Variants in EDC4 observed in about 807,000 individuals in gnomAD.
EDC4 encodes the protein enhancer of mRNA-decapping protein 4.
Under a neutral mutation model 155.8 loss-of-function variants are expected in EDC4, and 64 were observed. The observed-to-expected ratio is 0.41, with a 90% CI of 0.34 to 0.51. EDC4 has a LOEUF of 0.51. Ranked by LOEUF, EDC4 falls within the 20% of genes least tolerant of loss-of-function variation. EDC4 has a pLI of 0.19. For synonymous variants in EDC4, 684 were observed against 716.8 expected (o/e 0.95, Z 0.73); for missense variants, 1,303 against 1,812.5 (o/e 0.72, Z 5.10).
Position 67,882,469 on chromosome 16 carries a change from T to G in EDC4, c.3317T>G (p.Leu1106Ter). The G allele has an allele frequency of 6.2e-7, 1 of 1,614,120 alleles. No homozygotes were observed. Among genetic ancestry groups the G allele is most frequent in the Non-Finnish European group, 8.5e-7 (1 of 1,180,006 alleles). Reference sequence around the variant, plus strand: ...ATCGCCCGAGCAGCTGCAGACACATTACAAGGGCCGATGCAGGCTGCCTAC... The same window carrying G: ...ATCGCCCGAGCAGCTGCAGACACATGACAAGGGCCGATGCAGGCTGCCTAC... ...DAIARAAADT[L>*]QGPMQAAYRE... is the part of the protein sequence containing the mutation. The change falls in exon 25 of 29, where the codon TTA becomes TGA. Residue 1106 changes from leucine (L) to a stop codon, truncating the protein, a stop_gained. Transcript: ENST00000358933. LOFTEE classifies it high-confidence loss of function. The surrounding 1 kb of genome is among the most constrained non-coding windows in gnomAD (Gnocchi z 7.2).
Position 67,876,765 on chromosome 16 carries a change from A to G in EDC4, c.352-108A>G. ...TGTGGGAGTCTGGCTCCAGGAGGTA[A>G]CAGTGGGTAGCTGGACTTGCATCTG... On this transcript the variant is annotated intron_variant, in intron 3 of 28. Transcript: ENST00000358933. The surrounding 1 kb of genome is among the most constrained non-coding windows in gnomAD (Gnocchi z 5.8). 1 of 1,565,708 alleles carries G rather than the reference A, an allele frequency of 6.4e-7. No individual in the cohort carries two copies. Among genetic ancestry groups the G allele is most frequent in the Non-Finnish European group, 8.7e-7 (1 of 1,155,164 alleles).
intron 1 of EDC4, 185 bp from the exon 2 acceptor site, chr16:67,875,760 C>T: frequency 7.1e-7 from 1 of 1,406,026 alleles, no homozygotes; most frequent in Admixed American, 3.0e-5. Context: ...CATGCTCATC[C>T]TTGGTCCTGC....
chr16:67,877,164 C>T lies in EDC4; in HGVS notation c.452-53C>T. 6.4e-7 allele frequency: 1 copy of T among 1,567,850 alleles called. No individual in the cohort carries two copies. Among genetic ancestry groups the T allele is most frequent in the Non-Finnish European group, 8.7e-7 (1 of 1,155,040 alleles). On this transcript the variant is annotated intron_variant, in intron 4 of 28. Coordinates refer to ENST00000358933, the MANE Select transcript of EDC4 (RefSeq NM_014329.5). This position sits in a 1 kb window ranked among gnomAD's most constrained non-coding sequence, Gnocchi z 4.9. The stretch of plus-strand genomic sequence containing the variant: ...AGACAGGTGGGGCAGCGCTTCTCTG[C>T]TACTGCCTGAGCCTGGATACGTATT...
Position 67,879,295 on chromosome 16 carries a change from T to G in EDC4, c.1527T>G (p.Phe509Leu). The G allele has an allele frequency of 1.9e-6, 3 of 1,614,178 alleles. No homozygotes were observed. Among genetic ancestry groups the G allele is most frequent in the Non-Finnish European group, 1.7e-6 (2 of 1,180,018 alleles). ...ESAAGVLIKL[F>L]CVHTKALQDV... ...CGGCCGGTGTGCTCATCAAGCTCTT[T>G]TGTGTGCATACTAAGTGAGTGAGTG... Residue 509 changes from phenylalanine (F) to leucine (L), a missense_variant, in exon 13 of 29, where the codon TTT becomes TTG. Phe to Leu is a conservative substitution (Grantham distance 22, BLOSUM62 0). Transcript: ENST00000358933. The surrounding 1 kb of genome is among the most constrained non-coding windows in gnomAD (Gnocchi z 6.0).
chr16:67,882,634 C>T lies in EDC4; in HGVS notation c.3442+40C>T. On this transcript the variant is annotated intron_variant, in intron 25 of 28. Coordinates refer to ENST00000358933, the MANE Select transcript of EDC4 (RefSeq NM_014329.5). The surrounding 1 kb of genome is among the most constrained non-coding windows in gnomAD (Gnocchi z 7.2). ...ATGGCCCAAGGTGGGAGGGGTTATCCTCTTTCCTACTGTTCCTCTTATAGT... is the reference window on the plus strand; with the variant it reads ...ATGGCCCAAGGTGGGAGGGGTTATCTTCTTTCCTACTGTTCCTCTTATAGT... 1 of 1,614,222 alleles carries T rather than the reference C, an allele frequency of 6.2e-7. No homozygotes were observed. Among genetic ancestry groups the T allele is most frequent in the Non-Finnish European group, 8.5e-7 (1 of 1,180,050 alleles).
chr16:67,877,926 G>C lies in EDC4; in HGVS notation c.894+81G>C, dbSNP rs922074603. ...CTGTTCCCTATATCCACAGCTGCCCGGGCAGCTTTACTAGCATTCTGCCCG... is the reference window on the plus strand; with the variant it reads ...CTGTTCCCTATATCCACAGCTGCCCCGGCAGCTTTACTAGCATTCTGCCCG... On this transcript the variant is annotated intron_variant, in intron 7 of 28. Coordinates refer to ENST00000358933, the MANE Select transcript of EDC4 (RefSeq NM_014329.5). The surrounding 1 kb of genome is among the most constrained non-coding windows in gnomAD (Gnocchi z 4.9). 2 of 1,571,028 alleles carry C rather than the reference G, an allele frequency of 1.3e-6. No homozygotes were observed. Among genetic ancestry groups the C allele is most frequent in the Admixed American group, 1.9e-5 (1 of 53,920 alleles).
At position 67,879,255 on chromosome 16, in the gene EDC4, G is replaced by A. The variant is rs1216346584; in HGVS notation, c.1487G>A (p.Gly496Asp). The change falls in exon 13 of 29, where the codon GGT becomes GAT. Residue 496 changes from glycine to aspartate, a missense_variant. By Grantham distance (94) the Gly-to-Asp change is moderately conservative. Transcript: ENST00000358933. The surrounding 1 kb of genome is among the most constrained non-coding windows in gnomAD (Gnocchi z 6.0). ...CTTTCAGATGGTACCCATGGAGCCG[G>A]TGCCATGGAGTCTGCGGCCGGTGTG... ...SLGADGTHGAGAMESAAGVLI... is the reference protein window; with the variant it reads ...SLGADGTHGADAMESAAGVLI... 6.2e-7 allele frequency: 1 copy of A among 1,614,168 alleles called. No individual in the cohort carries two copies. The highest frequency in any genetic ancestry group is 1.1e-5 in the South Asian group (1 of 91,078).
rs918829701 is a variant in EDC4 at position 67,877,987 on chromosome 16, C to G, written c.894+142C>G. 1 of 1,485,202 alleles carries G rather than the reference C, an allele frequency of 6.7e-7. No homozygotes were observed. Among genetic ancestry groups the G allele is most frequent in the Non-Finnish European group, 9.1e-7 (1 of 1,102,352 alleles). The allele number at this position is 1,485,202 out of a possible 1,614,324, so 92.0% of individuals were successfully genotyped here. ...GAGCTCAAATTGGCCCTCACCTGTG[C>G]AGCTTTCTCCTTATCTAGCAGCACC... On this transcript the variant is annotated intron_variant, in intron 7 of 28. Coordinates refer to ENST00000358933, the MANE Select transcript of EDC4 (RefSeq NM_014329.5). The surrounding 1 kb of genome is among the most constrained non-coding windows in gnomAD (Gnocchi z 4.9).
Position 67,876,144 on chromosome 16 carries a change from G to A in EDC4, c.239+43G>A. ...GACAATAGTGGTGATGGTGTATTTGGGGTGTCTGCTAGCTGAAGGCATGAG... is the reference window on the plus strand; with the variant it reads ...GACAATAGTGGTGATGGTGTATTTGAGGTGTCTGCTAGCTGAAGGCATGAG... On this transcript the variant is annotated intron_variant, in intron 2 of 28. Coordinates refer to ENST00000358933, the MANE Select transcript of EDC4 (RefSeq NM_014329.5). The surrounding 1 kb of genome is among the most constrained non-coding windows in gnomAD (Gnocchi z 5.8). 1 of 1,593,526 alleles carries A rather than the reference G, an allele frequency of 6.3e-7. No homozygotes were observed.
In EDC4 at chr16:67,878,225, T is replaced by C; in HGVS notation, c.954T>C (p.Asp318=). The C allele has an allele frequency of 2.5e-6, 4 of 1,614,162 alleles. No individual in the cohort carries two copies. The highest frequency in any genetic ancestry group is 2.5e-6 in the Non-Finnish European group (3 of 1,180,022). Reference sequence around the variant, plus strand: ...CTGTGCTGGCTACTGCGAGCCACGATGGCTATGTCAAGTTCTGGCAGATCT... The same window carrying C: ...CTGTGCTGGCTACTGCGAGCCACGACGGCTATGTCAAGTTCTGGCAGATCT... ...DGTVLATASH[D]GYVKFWQIYI... Residue 318 remains aspartate, a synonymous_variant, in exon 8 of 29, where the codon GAT becomes GAC. Transcript: ENST00000358933. The surrounding 1 kb of genome is among the most constrained non-coding windows in gnomAD (Gnocchi z 5.2).
chr16:67,880,762 G>C lies in EDC4; in HGVS notation c.2303G>C (p.Ser768Thr). The C allele has an allele frequency of 6.2e-7, 1 of 1,614,194 alleles. No individual in the cohort carries two copies. Among genetic ancestry groups the C allele is most frequent in the Non-Finnish European group, 8.5e-7 (1 of 1,180,040 alleles). ...SSAPEGLEPD[S>T]MASAASALHL... ...GCACCAGAGGGCCTTGAGCCAGACA[G>C]TATGGCTTCAGCCGCCTCGGCACTG... The change falls in exon 18 of 29, where the codon AGT becomes ACT. Residue 768 changes from serine to threonine, a missense_variant. Physicochemically the swap from Ser to Thr is moderately conservative, Grantham distance 58. Around this residue, in one of 5 missense-constraint regions of EDC4, gnomAD observed 391 missense variants for 445.4 expected, o/e 0.88. Transcript: ENST00000358933. This position sits in a 1 kb window ranked among gnomAD's most constrained non-coding sequence, Gnocchi z 5.2.
Position 67,877,284 on chromosome 16 carries a change from G to A in EDC4, c.519G>A (p.Lys173=). Residue 173 remains lysine, a synonymous_variant, in exon 5 of 29, where the codon AAG becomes AAA. Coordinates refer to ENST00000358933, the MANE Select transcript of EDC4 (RefSeq NM_014329.5). The surrounding 1 kb of genome is among the most constrained non-coding windows in gnomAD (Gnocchi z 4.9). ...GCACTTCGGAGCGGACCTTGCTCAA[G>A]GGCTTCACAGGCAGTGTGGCTGATC... ...SVSTSERTLL[K]GFTGSVADLA... The A allele has an allele frequency of 6.2e-7, 1 of 1,614,216 alleles. No individual in the cohort carries two copies. Among genetic ancestry groups the A allele is most frequent in the Non-Finnish European group, 8.5e-7 (1 of 1,180,046 alleles).
chr16:67,883,470 C>G lies in EDC4; in HGVS notation c.3850-98C>G. ...GAGTCCCTCTGGAGCTCTCACTAGC[C>G]CACCCTGTGGTCATCCTCCCCCAGG... On this transcript the variant is annotated intron_variant, in intron 27 of 28. Transcript: ENST00000358933. The surrounding 1 kb of genome is among the most constrained non-coding windows in gnomAD (Gnocchi z 5.3). 1 of 1,542,404 alleles carries G rather than the reference C, an allele frequency of 6.5e-7. No homozygotes were observed. Among genetic ancestry groups the G allele is most frequent in the Non-Finnish European group, 8.8e-7 (1 of 1,139,772 alleles).
In EDC4 at chr16:67,876,670, T is replaced by A; in HGVS notation, c.351+71T>A. 1 of 1,588,442 alleles carries A rather than the reference T, an allele frequency of 6.3e-7. No individual in the cohort carries two copies. The highest frequency in any genetic ancestry group is 8.6e-7 in the Non-Finnish European group (1 of 1,165,064). Reference sequence around the variant, plus strand: ...CCAGCCTTTCCAGTCTCCCTCATGCTGCCAGTTCCTATGGGGACCACCTTG... The same window carrying A: ...CCAGCCTTTCCAGTCTCCCTCATGCAGCCAGTTCCTATGGGGACCACCTTG... On this transcript the variant is annotated intron_variant, in intron 3 of 28. Transcript: ENST00000358933. The surrounding 1 kb of genome is among the most constrained non-coding windows in gnomAD (Gnocchi z 5.8).
Position 67,880,740 on chromosome 16 carries a change from C to T in EDC4, c.2281C>T (p.Pro761Ser), listed in dbSNP as rs768214263. ...GTCCCGTGGTTTTGGCTCCTCTGCA[C>T]CAGAGGGCCTTGAGCCAGACAGTAT... Reference protein sequence around the residue: ...ALSRGFGSSAPEGLEPDSMAS... With the variant: ...ALSRGFGSSASEGLEPDSMAS... The change falls in exon 18 of 29, where the codon CCA (proline) becomes TCA (serine). Residue 761 changes from proline (P) to serine (S), a missense_variant. Pro to Ser is a moderately conservative substitution (Grantham distance 74). Coordinates refer to ENST00000358933, the MANE Select transcript of EDC4 (RefSeq NM_014329.5). The surrounding 1 kb of genome is among the most constrained non-coding windows in gnomAD (Gnocchi z 5.2). 2 of 1,614,238 alleles carry T rather than the reference C, an allele frequency of 1.2e-6. No individual in the cohort carries two copies. Among genetic ancestry groups the T allele is most frequent in the East Asian group, 2.2e-5 (1 of 44,884 alleles).
rs1464397951 is a variant in EDC4, at chr16:67,878,957, G to A, written c.1288G>A (p.Val430Ile). Residue 430 changes from valine (V) to isoleucine (I), a missense_variant and splice_region_variant, in exon 12 of 29, where the codon GTC becomes ATC. By Grantham distance (29) the Val-to-Ile change is conservative. Around this residue, in one of 5 missense-constraint regions of EDC4, gnomAD observed 235 missense variants for 367.7 expected, o/e 0.64. Coordinates refer to ENST00000358933, the MANE Select transcript of EDC4 (RefSeq NM_014329.5). The surrounding 1 kb of genome is among the most constrained non-coding windows in gnomAD (Gnocchi z 5.2). ...YLILSDVQRK[V>I]LYVMELLQNQ... ...AGCTAGGAACGTTCTGCCTGTGCAG[G>A]TCCTCTATGTGATGGAGCTGCTGCA... The A allele has an allele frequency of 6.2e-7, 1 of 1,610,154 alleles. No individual in the cohort carries two copies. Among genetic ancestry groups the A allele is most frequent in the Non-Finnish European group, 8.5e-7 (1 of 1,178,386 alleles).
chr16:67,874,804 G>T (rs1007256481), intron 1 of EDC4, among the ~76,000 whole-genome samples: 8 of 152,176 alleles, frequency 5.3e-5, no homozygotes, highest in Non-Finnish European at 1.2e-4. Flanking sequence ...ATTGAGGACT[G>T]GGCGCGGTGG....
rs2151306697 is a variant in EDC4, at chr16:67,883,856, G to T, written c.4014-100G>T. 6.5e-7 allele frequency: 1 copy of T among 1,536,044 alleles called. No individual in the cohort carries two copies. Among genetic ancestry groups the T allele is most frequent in the Non-Finnish European group, 8.8e-7 (1 of 1,134,958 alleles). On this transcript the variant is annotated intron_variant, in intron 28 of 28. Transcript: ENST00000358933. This position sits in a 1 kb window ranked among gnomAD's most constrained non-coding sequence, Gnocchi z 5.3. ...CTAATTTTCTCCACCAGTCCTTTCT[G>T]CCTTCACCCAGAGGGTTCCCTCTGG...
At position 67,883,764 on chromosome 16, in the gene EDC4, G is replaced by T; in HGVS notation, c.4013+33G>T. 1 of 1,609,536 alleles carries T rather than the reference G, an allele frequency of 6.2e-7. No homozygotes were observed. On this transcript the variant is annotated intron_variant, in intron 28 of 28. Transcript: ENST00000358933. This position sits in a 1 kb window ranked among gnomAD's most constrained non-coding sequence, Gnocchi z 5.3. ...GGGACAGCCAGGGATGGGGAGATGA[G>T]CTGGGGAGTGGGGCAGTGGGAGGGA...
Sources: allele counts gnomAD v4.1 joint callset (sites outside exome capture counted in the v4.1 genomes callset), GRCh38; gene constraint gnomAD v4.1.1; regional missense constraint gnomAD v4.1.1; non-coding constraint Gnocchi (gnomAD v3.1); transcripts MANE v1.5; gene names NCBI Gene and HGNC (gene_info 2026-07-23, HGNC 2026-07-21).